SCN11A: variants seen among roughly 807,000 people sequenced by gnomAD.
SCN11A encodes sodium channel protein type 11 subunit alpha.
Under a neutral mutation model 162.2 loss-of-function variants are expected in SCN11A, and 122 were observed. That is an observed-to-expected ratio of 0.75 (90% confidence interval 0.65 to 0.87). SCN11A has a LOEUF of 0.87. Ranked by LOEUF, SCN11A falls within the 40% of genes least tolerant of loss-of-function variation. SCN11A has a pLI of 0.00. For missense variants in SCN11A, 2,015 were observed against 2,181.6 expected (o/e 0.92, Z 1.52); for synonymous variants, 758 against 751.5 (o/e 1.01, Z -0.14).
intron 3 of SCN11A, among the ~76,000 whole-genome samples, chr3:38,960,078 T>G (rs1212448207): frequency 6.6e-6 from 1 of 152,032 alleles, no homozygotes; most frequent in Non-Finnish European, 1.5e-5. Context: ...GACCTCTCAG[T>G]GTATTTGACA....
At chr3:38,957,601 C>T (rs1223309377) in intron 3 of SCN11A, among the ~76,000 whole-genome samples, 1 of 152,164 alleles carries the variant, frequency 6.6e-6, no homozygotes, top group Non-Finnish European at 1.5e-5. Flanking sequence ...TTCATGAGCC[C>T]AGGGGCCAGT....
Position 38,883,172 on chromosome 3 carries a change from A to G in SCN11A, c.3219+61T>C. 2.0e-6 allele frequency: 3 copies of G among 1,463,776 alleles called. No individual in the cohort carries two copies. In the South Asian group the frequency reaches 3.8e-5, roughly 19 times the overall value. The allele number at this position is 1,463,776 out of a possible 1,614,324, so 90.7% of individuals were successfully genotyped here. A position where few individuals can be genotyped will look rare whatever the true frequency, so the allele number is the denominator to read the frequency against. On this transcript the variant is annotated intron_variant, in intron 22 of 29. Coordinates refer to ENST00000302328, the MANE Select transcript of SCN11A (RefSeq NM_001349253.2). ...TCACAGTCCCACGAGAAGCCAAGTC[A>G]GAGTGCAGCTTCCCCAGCTGCCCTG...
intron 28 of SCN11A, among the ~76,000 whole-genome samples, chr3:38,852,259 C>T (rs919749015): frequency 6.6e-6 from 1 of 152,146 alleles, no homozygotes; most frequent in African/African-American, 2.4e-5. Context: ...AGCCCCAAGG[C>T]TTTTATCAAA....
rs201149463 is a variant in SCN11A at position 38,863,305 on chromosome 3, T to C, written c.3952-6A>G. On this transcript the variant is annotated splice_polypyrimidine_tract_variant and splice_region_variant and intron_variant, in intron 27 of 29. Transcript: ENST00000302328. The stretch of plus-strand genomic sequence containing the variant: ...AAAATGTCTTGGCCACCTAAGTATA[T>C]GGAGAAGATAAGAGCTAATTACCTT... 3.4e-6 allele frequency: 5 copies of C among 1,457,830 alleles called. No individual in the cohort carries two copies. The highest frequency in any genetic ancestry group is 2.8e-5 in the African/African-American group (2 of 71,648). 90.3% of individuals were successfully genotyped at this position (1,457,830 alleles called of 1,614,324 possible). A position where few individuals can be genotyped will look rare whatever the true frequency, so the allele number is the denominator to read the frequency against.
intron 19 of SCN11A, among the ~76,000 whole-genome samples, chr3:38,892,181 G>A (rs1371763987): frequency 1.3e-5 from 2 of 152,210 alleles, no homozygotes; most frequent in African/African-American, 4.8e-5. Context: ...TTTATATCTA[G>A]TGAGGCTATC....
chr3:38,980,636 T>C (rs1014100054), intron 2 of SCN11A, among the ~76,000 whole-genome samples: 3 of 152,226 alleles, frequency 2.0e-5, no homozygotes, highest in Non-Finnish European at 4.4e-5. Context: ...CAAGTGTATA[T>C]GAGCTCAAGA....
At chr3:38,912,329 A>T (rs2065897577) in intron 11 of SCN11A, among the ~76,000 whole-genome samples, 1 of 152,034 alleles carries the variant, frequency 6.6e-6, no homozygotes, top group East Asian at 1.9e-4. Context: ...TAATGACATT[A>T]TCACTCACTC....
chr3:39,020,190 T>G (rs1524872), intron 2 of SCN11A, among the ~76,000 whole-genome samples: 1 of 152,230 alleles, frequency 6.6e-6, no homozygotes, highest in Non-Finnish European at 1.5e-5. Flanking sequence ...CCTTAGCGCA[T>G]AGTAAGCATT....
chr3:38,929,881 C>A (rs1438742371), intron 7 of SCN11A, among the ~76,000 whole-genome samples: 1 of 152,168 alleles, frequency 6.6e-6, no homozygotes, highest in African/African-American at 2.4e-5. Context: ...AAGACCCTCA[C>A]CAGATACAGA....
At chr3:38,903,816 A>C in intron 16 of SCN11A, 49 bp downstream of exon 16, 2 of 1,324,406 alleles carry the variant, frequency 1.5e-6, no homozygotes, top group Non-Finnish European at 1.0e-6. Flanking sequence ...AAAAAGTTAT[A>C]CTTTAAAGTA....
chr3:38,926,750 AG>A, intron 8 of SCN11A, 52 bp downstream of exon 8: 1 of 1,578,130 alleles, frequency 6.3e-7, no homozygotes, highest in Non-Finnish European at 8.7e-7. Context: ...ATGGAAGCAA[AG>A]GGGCTTCTTT....
chr3:38,956,258 A>G (rs1286076695), intron 3 of SCN11A, among the ~76,000 whole-genome samples: 1 of 152,174 alleles, frequency 6.6e-6, no homozygotes, highest in Non-Finnish European at 1.5e-5. Context: ...AAAAAAAGCA[A>G]AAACAAACAA....
chr3:39,030,614 C>A (rs1157822098), intron 2 of SCN11A, among the ~76,000 whole-genome samples: 3 of 152,068 alleles, frequency 2.0e-5, no homozygotes, highest in Non-Finnish European at 4.4e-5. Context: ...TTTAATAATG[C>A]GACATCCAAT....
Position 38,932,747 on chromosome 3 carries a change from G to C in SCN11A, c.489-5816C>G, listed in dbSNP as rs1349012462. On this transcript the variant is annotated intron_variant, in intron 7 of 29. Transcript: ENST00000302328. The stretch of plus-strand genomic sequence containing the variant: ...CTCCAACTGGGTGGAGCCCACCACA[G>C]CTCAAGGAGGCCTGCCTGCCTCTGT... Among the ~76,000 whole-genome samples the C allele has an allele frequency of 2.6e-5, 4 of 151,624 alleles. No homozygotes were observed. The East Asian group carries it at 7.8e-4, about 29-fold the overall frequency.
chr3:38,889,845 AATAAAATAAAATAAAATAAAAT>A (rs2065469179), intron 19 of SCN11A, among the ~76,000 whole-genome samples: 1 of 140,208 alleles, frequency 7.1e-6, no homozygotes. Context: ...AATAAAATAA[AATAAAATAAAATAAAATAAAAT>A]AAAGAAATAA....
chr3:38,917,702 A>G (rs1318185441), intron 11 of SCN11A, among the ~76,000 whole-genome samples: 1 of 152,210 alleles, frequency 6.6e-6, no homozygotes, highest in Non-Finnish European at 1.5e-5. Context: ...ATCAGGAAAA[A>G]TAACTAATGG....
chr3:38,846,791 T>C lies in SCN11A; in HGVS notation c.5279A>G (p.Asn1760Ser), dbSNP rs1302660746. 25 of 1,614,070 alleles carry C rather than the reference T, an allele frequency of 1.5e-5. No homozygotes were observed. Among genetic ancestry groups the C allele is most frequent in the Non-Finnish European group, 2.1e-5 (25 of 1,180,022 alleles). Residue 1760 changes from asparagine to serine, a missense_variant, in exon 30 of 30, where the codon AAT becomes AGT. By Grantham distance (46) the Asn-to-Ser change is conservative. Transcript: ENST00000302328. ...KVTKGDQGDQNDLENGPHSPL... is the reference protein window; with the variant it reads ...KVTKGDQGDQSDLENGPHSPL... ...TGAATGAGGCCCGTTTTCCAAGTCA[T>C]TTTGGTCACCTTGGTCACCCTTGGT...
At chr3:39,028,935 T>C (rs1559579353) in intron 2 of SCN11A, among the ~76,000 whole-genome samples, 1 of 152,178 alleles carries the variant, frequency 6.6e-6, no homozygotes, top group Non-Finnish European at 1.5e-5. Flanking sequence ...GGGAATCAAA[T>C]TGCAACATGA....
chr3:38,955,791 T>C (rs1028779370), intron 3 of SCN11A, among the ~76,000 whole-genome samples: 1 of 152,136 alleles, frequency 6.6e-6, no homozygotes, highest in East Asian at 1.9e-4. Context: ...TCCCAAACAA[T>C]GAAAAGAGAA....
Sources: gnomAD v4.1 joint callset for allele counts (sites outside exome capture counted in the v4.1 genomes callset) on GRCh38, gnomAD v4.1.1 for gene constraint, MANE v1.5 for transcripts, NCBI Gene and HGNC (gene_info 2026-07-23, HGNC 2026-07-21) for gene names.